PRR20G: variants seen among roughly 807,000 people sequenced by gnomAD.
The protein encoded by PRR20G is proline rich 20G, also known as proline-rich protein 20G.
chr3:127,286,357 C>G (rs2080387313), intron 2 of PRR20G, among the ~76,000 whole-genome samples: 1 of 152,204 alleles, frequency 6.6e-6, no homozygotes. Context: ...CAAAGTATCC[C>G]TTAGGAATCA....
chr3:127,285,680 T>C (rs991140920), intron 2 of PRR20G, among the ~76,000 whole-genome samples: 3 of 152,174 alleles, frequency 2.0e-5, no homozygotes, highest in African/African-American at 7.2e-5. Context: ...TGGAACCCAA[T>C]CAACAAGCCC....
Position 127,284,604 on chromosome 3 carries a change from C to G in PRR20G, c.89G>C (p.Gly30Ala). 1 of 156,990 alleles carries G rather than the reference C, an allele frequency of 6.4e-6. No individual in the cohort carries two copies. Among genetic ancestry groups the G allele is most frequent in the Non-Finnish European group, 1.4e-5 (1 of 70,154 alleles). The allele number at this position is 156,990 out of a possible 1,614,324, so 9.7% of individuals were successfully genotyped here. A position where few individuals can be genotyped will look rare whatever the true frequency, so the allele number is the denominator to read the frequency against. ...GTCTACAGGGTCTTCACGGTCCACACCAGAGCAGCCTGGCTCTGTAGGAGG... is the reference window on the plus strand; with the variant it reads ...GTCTACAGGGTCTTCACGGTCCACAGCAGAGCAGCCTGGCTCTGTAGGAGG... ...GGPPTEPGCS[G>A]VDREDPVDPV... The change falls in exon 3 of 3, where the codon GGT (glycine) becomes GCT (alanine). Residue 30 changes from glycine to alanine, a missense_variant. Physicochemically the swap from Gly to Ala is moderately conservative, Grantham distance 60. Coordinates refer to ENST00000465482, the MANE Select transcript of PRR20G (RefSeq NM_001362810.2).
Position 127,283,980 on chromosome 3 carries a change from G to C in PRR20G, c.*80C>G, listed in dbSNP as rs2080374083. The C allele has an allele frequency of 6.6e-6, 1 of 151,002 alleles. No homozygotes were observed. Among genetic ancestry groups the C allele is most frequent in the African/African-American group, 2.4e-5 (1 of 41,040 alleles). The allele number at this position is 151,002 out of a possible 1,614,324, so 9.4% of individuals were successfully genotyped here. On this transcript the variant is annotated 3_prime_UTR_variant, in exon 3 of 3. Coordinates refer to ENST00000465482, the MANE Select transcript of PRR20G (RefSeq NM_001362810.2). ...GGGATGGGCAGGGAGGAGTGGAGCAGAAATGGGGCTAGAGTTTGGGGATAG... is the reference window on the plus strand; with the variant it reads ...GGGATGGGCAGGGAGGAGTGGAGCACAAATGGGGCTAGAGTTTGGGGATAG...
chr3:127,286,558 C>T (rs1441174601), intron 2 of PRR20G, among the ~76,000 whole-genome samples: 1 of 152,214 alleles, frequency 6.6e-6, no homozygotes, highest in African/African-American at 2.4e-5. Context: ...GGTGAGAGTC[C>T]TGGCTTATCA....
chr3:127,285,705 G>C (rs2107702115), intron 2 of PRR20G, among the ~76,000 whole-genome samples: 1 of 152,242 alleles, frequency 6.6e-6, no homozygotes, highest in South Asian at 2.1e-4. Flanking sequence ...CACGAGCTTG[G>C]AGCTCCCAAC....
intron 2 of PRR20G, among the ~76,000 whole-genome samples, chr3:127,284,891 A>G (rs138655188): frequency 1.3e-5 from 2 of 152,320 alleles, no homozygotes; most frequent in East Asian, 3.9e-4. Context: ...TTGCCATTTT[A>G]CTAATAAGTA....
chr3:127,287,392 G>C lies in PRR20G; in HGVS notation c.-7-20C>G, dbSNP rs1210259242. 2.0e-5 allele frequency among the ~76,000 whole-genome samples: 3 copies of C among 152,182 alleles called. No individual in the cohort carries two copies. Among genetic ancestry groups the C allele is most frequent in the Admixed American group, 6.5e-5 (1 of 15,284 alleles). ...AGGAATCTGCGGGAGTGGGTGGGGA[G>C]GAAAACGCGTCTGTCAGGGTATTAA... On this transcript the variant is annotated intron_variant, in intron 1 of 2. Transcript: ENST00000465482.
chr3:127,287,950 G>T lies in PRR20G; in HGVS notation c.-79C>A, dbSNP rs2080395406. Among the ~76,000 whole-genome samples the T allele has an allele frequency of 6.6e-6, 1 of 151,624 alleles. No homozygotes were observed. The highest frequency in any genetic ancestry group is 2.1e-4 in the South Asian group (1 of 4,806). ...AGCTGGAGGTGTCCACGGGATCACG[G>T]CTATGGCTCCGACGTCGCCCTCAAA... On this transcript the variant is annotated 5_prime_UTR_variant, in exon 1 of 3. Coordinates refer to ENST00000465482, the MANE Select transcript of PRR20G (RefSeq NM_001362810.2).
intron 2 of PRR20G, among the ~76,000 whole-genome samples, chr3:127,285,266 GTC>G (rs2080381746): frequency 6.6e-6 from 1 of 152,210 alleles, no homozygotes; most frequent in Admixed American, 6.5e-5. Flanking sequence ...TGATCAGAAA[GTC>G]TTATTGGAGA....
chr3:127,287,664 T>A (rs2080393896), intron 1 of PRR20G, among the ~76,000 whole-genome samples: 1 of 152,182 alleles, frequency 6.6e-6, no homozygotes, highest in South Asian at 2.1e-4. Context: ...CCCAGTTTCT[T>A]CAGGCAAAGC....
intron 2 of PRR20G, among the ~76,000 whole-genome samples, chr3:127,286,313 A>C (rs548054035): frequency 1.5e-4 from 23 of 152,370 alleles, no homozygotes; most frequent in African/African-American, 5.5e-4. Context: ...ATTTCGAGGG[A>C]AATGGATTTC....
In PRR20G at chr3:127,287,987, C is replaced by T. The variant is rs114821235; in HGVS notation, c.-116G>A. On this transcript the variant is annotated 5_prime_UTR_variant, in exon 1 of 3. Coordinates refer to ENST00000465482, the MANE Select transcript of PRR20G (RefSeq NM_001362810.2). Reference sequence around the variant, plus strand: ...ACGTCGCCCTCAAATGCGCCCCCTACCAGGCAGGTAGGAGGGAGCACCCAG... The same window carrying T: ...ACGTCGCCCTCAAATGCGCCCCCTATCAGGCAGGTAGGAGGGAGCACCCAG... Among the ~76,000 whole-genome samples, 919 of 152,244 alleles carry T rather than the reference C, an allele frequency of 6.0e-3. 8 individuals carry two copies. Among genetic ancestry groups the T allele is most frequent in the African/African-American group, 0.022 (895 of 41,544 alleles).
At chr3:127,286,342 C>A (rs76432829) in intron 2 of PRR20G, among the ~76,000 whole-genome samples, 2 of 152,284 alleles carry the variant, frequency 1.3e-5, no homozygotes, top group East Asian at 3.9e-4. Flanking sequence ...AATTTGATAT[C>A]CAACCAAAGT....
chr3:127,285,511 A>G (rs1205499478), intron 2 of PRR20G, among the ~76,000 whole-genome samples: 2 of 152,194 alleles, frequency 1.3e-5, no homozygotes, highest in Non-Finnish European at 2.9e-5. Context: ...AGGAAGTCCG[A>G]AACTAGACAA....
intron 2 of PRR20G, among the ~76,000 whole-genome samples, chr3:127,285,385 G>C (rs2080382122): frequency 6.6e-6 from 1 of 152,118 alleles, no homozygotes; most frequent in Non-Finnish European, 1.5e-5. Flanking sequence ...GGTGACAGGG[G>C]GGCCGGGGGT....
At position 127,287,775 on chromosome 3, in the gene PRR20G, G is replaced by A. The variant is rs2080394447; in HGVS notation, c.-8+104C>T. Among the ~76,000 whole-genome samples the A allele has an allele frequency of 2.6e-5, 4 of 152,118 alleles. No homozygotes were observed. The South Asian group carries it at 6.2e-4, about 24-fold the overall frequency. On this transcript the variant is annotated intron_variant, in intron 1 of 2. Transcript: ENST00000465482. The stretch of plus-strand genomic sequence containing the variant: ...GGAACAGAGTTGCGAAGAAGACAGC[G>A]GTGACAAGGCATGTGGCCTCGGCCT...
rs1170658844 is a variant in PRR20G, at chr3:127,287,320, T to TTGGG, written c.42_45dup (p.Asn16ProfsTer20). Among the ~76,000 whole-genome samples, 2 of 152,150 alleles carry TTGGG rather than the reference T, an allele frequency of 1.3e-5. No homozygotes were observed. Among genetic ancestry groups the TTGGG allele is most frequent in the Non-Finnish European group, 2.9e-5 (2 of 68,032 alleles). ...GGTAGGCGTTTGATGGTACCTTGAT[T>TTGGG]TGGGGCCAGGAAGCGAGGTCGTTTC... On this transcript the variant is annotated frameshift_variant, in exon 2 of 3. Transcript: ENST00000465482. LOFTEE classifies it low-confidence loss of function (END_TRUNC).
chr3:127,287,697 T>C (rs2080394016), intron 1 of PRR20G, among the ~76,000 whole-genome samples, 182 bp downstream of exon 1: 1 of 152,160 alleles, frequency 6.6e-6, no homozygotes, highest in Admixed American at 6.5e-5. Context: ...GACTTAGGCC[T>C]CCTGGAGGAA....
chr3:127,285,312 G>A (rs1253114507), intron 2 of PRR20G, among the ~76,000 whole-genome samples: 2 of 152,182 alleles, frequency 1.3e-5, no homozygotes, highest in South Asian at 2.1e-4. Flanking sequence ...AAGGATGGGT[G>A]GGATTTAGCA....
Sources: allele counts gnomAD v4.1 joint callset (sites outside exome capture counted in the v4.1 genomes callset), GRCh38; gene constraint gnomAD v4.1.1; transcripts MANE v1.5; gene names NCBI Gene and HGNC (gene_info 2026-07-23, HGNC 2026-07-21).